The following TRPM3 variants were observed in gnomAD, a reference collection of about 807,000 sequenced individuals.
The protein encoded by TRPM3 is long transient receptor potential channel 3.
In TRPM3, 77 loss-of-function variants were observed where a neutral mutation model predicts 181.2. The observed-to-expected ratio is 0.42, with a 90% confidence interval of 0.35 to 0.51. The LOEUF (loss-of-function observed/expected upper bound fraction) is 0.51, where lower values mean the gene tolerates loss of function less well. Ranked by LOEUF, TRPM3 falls within the 20% of genes least tolerant of loss-of-function variation. TRPM3 has a pLI of 0.01. For synonymous variants in TRPM3, 745 were observed against 796.4 expected (o/e 0.94, Z 1.09); for missense variants, 1,759 against 2,196.7 (o/e 0.80, Z 3.98).
At chr9:71,166,534 C>G (rs908473924) in intron 1 of TRPM3, among the ~76,000 whole-genome samples, 1 of 152,072 alleles carries the variant, frequency 6.6e-6, no homozygotes, top group African/African-American at 2.4e-5. Context: ...AACTTCAAAT[C>G]TGACCTGACA....
At chr9:71,313,922 G>C (rs944883994) in intron 1 of TRPM3, among the ~76,000 whole-genome samples, 2 of 152,054 alleles carry the variant, frequency 1.3e-5, no homozygotes, top group African/African-American at 4.8e-5. Context: ...CATTTTAGCA[G>C]TTTTGTTTAG....
At chr9:71,111,788 C>T (rs532611101) in intron 1 of TRPM3, among the ~76,000 whole-genome samples, 5 of 152,260 alleles carry the variant, frequency 3.3e-5, no homozygotes, top group East Asian at 3.9e-4. Flanking sequence ...TTTCTTCTAG[C>T]GAGATTATCA....
chr9:71,295,182 A>C (rs150150613), intron 1 of TRPM3, among the ~76,000 whole-genome samples: 2,162 of 152,294 alleles, frequency 0.014, 38 homozygotes, highest in Non-Finnish European at 0.018. Context: ...AGGTCTCTCA[A>C]TATAAACCTT....
rs774617818 is a variant in TRPM3 at position 70,620,155 on chromosome 9, G to A, written c.2050C>T (p.Leu684Phe). Residue 684 changes from leucine to phenylalanine, a missense_variant, in exon 16 of 26, where the codon CTC becomes TTC. Transcript: ENST00000677713. ...GCCTCATGAGCCATGGCTTTGCAGA[G>A]CTTGCAGGCCACCAGGGCCTTGGCC... ...AMAKALVACKLCKAMAHEASE... is the reference protein window; with the variant it reads ...AMAKALVACKFCKAMAHEASE... The A allele has an allele frequency of 5.0e-6, 8 of 1,614,206 alleles. No homozygotes were observed. The highest frequency in any genetic ancestry group is 6.8e-6 in the Non-Finnish European group (8 of 1,180,032).
chr9:71,353,354 C>A (rs116979019), intron 1 of TRPM3, among the ~76,000 whole-genome samples: 1 of 152,022 alleles, frequency 6.6e-6, no homozygotes, highest in South Asian at 2.1e-4. Flanking sequence ...CAGTGACTGG[C>A]GGTTAGTACA....
intron 1 of TRPM3, among the ~76,000 whole-genome samples, chr9:71,444,744 A>C (rs950223730): frequency 1.3e-5 from 2 of 152,190 alleles, no homozygotes; most frequent in East Asian, 3.9e-4. Flanking sequence ...ATGAAGTCAA[A>C]ACTCTTTGTT....
At chr9:71,389,886 T>C (rs1033359678) in intron 1 of TRPM3, among the ~76,000 whole-genome samples, 3 of 151,946 alleles carry the variant, frequency 2.0e-5, no homozygotes, top group African/African-American at 4.8e-5. Flanking sequence ...GTATAGTATA[T>C]ACCAAAAGCT....
chr9:70,591,446 C>A (rs1396181186), intron 21 of TRPM3, among the ~76,000 whole-genome samples: 1 of 152,136 alleles, frequency 6.6e-6, no homozygotes, highest in Non-Finnish European at 1.5e-5. Context: ...CAGATGAAGC[C>A]TCTTCGTTTT....
chr9:71,086,945 G>C (rs1591310382), intron 1 of TRPM3, among the ~76,000 whole-genome samples: 1 of 152,092 alleles, frequency 6.6e-6, no homozygotes, highest in East Asian at 1.9e-4. Context: ...CCTGATTTGA[G>C]AAGATGAGAA....
intron 1 of TRPM3, among the ~76,000 whole-genome samples, chr9:71,082,076 T>A (rs904494386): frequency 6.6e-6 from 1 of 152,214 alleles, no homozygotes. Context: ...TACAAATGTT[T>A]ACATGTAGCA....
At chr9:71,246,756 C>T (rs991393850) in intron 1 of TRPM3, among the ~76,000 whole-genome samples, 1 of 152,174 alleles carries the variant, frequency 6.6e-6, no homozygotes, top group Non-Finnish European at 1.5e-5. Flanking sequence ...AATTTACCTA[C>T]CCTAATATCA....
chr9:70,832,171 T>G, intron 5 of TRPM3, among the ~76,000 whole-genome samples: 1 of 141,962 alleles, frequency 7.0e-6, no homozygotes, highest in African/African-American at 2.6e-5. Context: ...AGGGATAGCA[T>G]TGGGAGATAT....
At chr9:70,843,387 A>G (rs757715329) in intron 4 of TRPM3, among the ~76,000 whole-genome samples, 4 of 148,042 alleles carry the variant, frequency 2.7e-5, no homozygotes, top group Non-Finnish European at 6.0e-5. Context: ...AAAAGCATCC[A>G]ATGTCTATAA....
intron 1 of TRPM3, among the ~76,000 whole-genome samples, chr9:71,272,978 G>A (rs1006975776): frequency 6.6e-6 from 1 of 151,556 alleles, no homozygotes; most frequent in African/African-American, 2.4e-5. Context: ...GGGTTCAAAC[G>A]ATTCTCCTGC....
intron 6 of TRPM3, chr9:70,824,664 G>C (rs2131634662): frequency 6.6e-6 from 1 of 152,310 alleles, no homozygotes; most frequent in Non-Finnish European, 1.5e-5. Flanking sequence ...CTGACATCGT[G>C]ATCCACCTGC....
In TRPM3 at chr9:70,610,807, A is replaced by G; in HGVS notation, c.2527-58T>C. The G allele has an allele frequency of 3.1e-6, 5 of 1,592,860 alleles. No individual in the cohort carries two copies. In the South Asian group the frequency reaches 4.5e-5, roughly 14 times the overall value. ...AGGGCTCTGGAGAGCATGTTGTTCA[A>G]TGTGCTTACTTTACAGATGAGGAAA... On this transcript the variant is annotated intron_variant, in intron 18 of 25. Transcript: ENST00000677713.
chr9:71,061,834 A>G (rs1310475400), intron 1 of TRPM3, among the ~76,000 whole-genome samples: 2 of 152,094 alleles, frequency 1.3e-5, no homozygotes, highest in Non-Finnish European at 1.5e-5. Flanking sequence ...ACTGTGTAAT[A>G]AACCTCAGCC....
intron 1 of TRPM3, among the ~76,000 whole-genome samples, chr9:71,244,039 A>G (rs867992857): frequency 1.3e-5 from 2 of 152,180 alleles, no homozygotes; most frequent in Non-Finnish European, 2.9e-5. Flanking sequence ...TCAAACAGCC[A>G]TCTCGAGACA....
At chr9:71,003,326 T>C (rs1248945246) in intron 1 of TRPM3, among the ~76,000 whole-genome samples, 1 of 152,182 alleles carries the variant, frequency 6.6e-6, no homozygotes, top group South Asian at 2.1e-4. Context: ...TCAGTCATTC[T>C]TCTATGGATG....
Sources: allele counts gnomAD v4.1 joint callset (sites outside exome capture counted in the v4.1 genomes callset), GRCh38; gene constraint gnomAD v4.1.1; transcripts MANE v1.5; gene names NCBI Gene and HGNC (gene_info 2026-07-23, HGNC 2026-07-21).